The following KMT2E variants were observed in gnomAD, a reference collection of about 807,000 sequenced individuals.
KMT2E encodes histone reader KMT2E.
Under a neutral mutation model 184.6 loss-of-function variants are expected in KMT2E, and 30 were observed. The observed-to-expected ratio is 0.16, with a 90% CI of 0.12 to 0.22. The LOEUF (loss-of-function observed/expected upper bound fraction) is 0.22. Ranked by LOEUF, KMT2E falls within the 10% of genes least tolerant of loss-of-function variation. The probability of loss-of-function intolerance (pLI) is 1.00; values close to 1 mark genes in which losing one functional copy is unlikely to be tolerated. For missense variants in KMT2E, 2,023 were observed against 2,237.4 expected (o/e 0.90, Z 1.93); for synonymous variants, 815 against 776.5 (o/e 1.05, Z -0.82).
intron 6 of KMT2E, among the ~76,000 whole-genome samples, chr7:105,068,540 G>T (rs1797140960): frequency 6.6e-6 from 1 of 150,754 alleles, no homozygotes; most frequent in African/African-American, 2.4e-5. Flanking sequence ...AGCCTCCTGG[G>T]TTCAGGTGAT....
chr7:105,028,294 G>A (rs1795255480), intron 1 of KMT2E, among the ~76,000 whole-genome samples: 1 of 150,178 alleles, frequency 6.7e-6, no homozygotes, highest in African/African-American at 2.5e-5. Context: ...TCAGGCTCCC[G>A]AGTAGGTGGG....
In KMT2E at chr7:105,113,574, C is replaced by A. The variant is rs1206752993; in HGVS notation, c.*241C>A. On this transcript the variant is annotated 3_prime_UTR_variant, in exon 27 of 27. Coordinates refer to ENST00000311117, the MANE Select transcript of KMT2E (RefSeq NM_182931.3). ...TTCCAGCTGTTTTTTTCTGGCAGATCTGATGCTGATTTGATGCTGTATGAT... is the reference window on the plus strand; with the variant it reads ...TTCCAGCTGTTTTTTTCTGGCAGATATGATGCTGATTTGATGCTGTATGAT... 3 of 373,148 alleles carry A rather than the reference C, an allele frequency of 8.0e-6. No individual in the cohort carries two copies. The highest frequency in any genetic ancestry group is 4.7e-5 in the East Asian group (1 of 21,496). 23.1% of individuals were successfully genotyped at this position (373,148 alleles called of 1,614,324 possible).
intron 14 of KMT2E, 68 bp from the exon 15 acceptor site, chr7:105,091,148 T>C (rs1250307088): frequency 1.4e-6 from 1 of 690,368 alleles, no homozygotes; most frequent in African/African-American, 1.8e-5. Flanking sequence ...GACATTAAAA[T>C]AGTTTAATGT....
chr7:105,087,224 T>C (rs1422498926), intron 13 of KMT2E, among the ~76,000 whole-genome samples: 1 of 146,484 alleles, frequency 6.8e-6, no homozygotes, highest in Non-Finnish European at 1.5e-5. Context: ...ATATATATTA[T>C]ATAAGCATAT....
chr7:105,052,729 T>TTTTTTTA (rs1015221294), intron 3 of KMT2E, among the ~76,000 whole-genome samples: 27 of 151,702 alleles, frequency 1.8e-4, no homozygotes, highest in Non-Finnish European at 2.8e-4. Context: ...CAGCTAATTT[T>TTTTTTTA]TTTTTTTATT....
At chr7:105,072,460 G>A (rs1277686638) in intron 6 of KMT2E, among the ~76,000 whole-genome samples, 1 of 152,122 alleles carries the variant, frequency 6.6e-6, no homozygotes, top group East Asian at 1.9e-4. Context: ...TAGACATTAA[G>A]GCAAGTCTGT....
chr7:105,059,361 C>G (rs1796699216), intron 3 of KMT2E, among the ~76,000 whole-genome samples: 1 of 152,170 alleles, frequency 6.6e-6, no homozygotes, highest in Admixed American at 6.5e-5. Flanking sequence ...TAAATCGTTG[C>G]TAAAACTTCA....
intron 8 of KMT2E, among the ~76,000 whole-genome samples, chr7:105,075,401 GAGTA>G (rs1797486547): frequency 6.6e-6 from 1 of 152,124 alleles, no homozygotes; most frequent in African/African-American, 2.4e-5. Flanking sequence ...CATGTTTATT[GAGTA>G]AATACAGCTC....
chr7:105,041,325 A>G (rs555179912), intron 3 of KMT2E, among the ~76,000 whole-genome samples: 9 of 152,244 alleles, frequency 5.9e-5, no homozygotes, highest in Admixed American at 1.3e-4. Flanking sequence ...GTATTTTCCT[A>G]TAGTATTTGA....
At chr7:105,091,192 A>G (rs1798189765) in intron 14 of KMT2E, 24 bp from the exon 15 acceptor site, 1 of 1,079,762 alleles carries the variant, frequency 9.3e-7, no homozygotes, top group Non-Finnish European at 1.4e-6. Flanking sequence ...TAGTTTGTAT[A>G]AAGAAGTCAT....
Position 105,105,999 on chromosome 7 carries a change from T to C in KMT2E, c.2592T>C (p.Leu864=). ...TACTATTAAATGACAGCTGTTCCCTTCCAGGTAGAATTTTTTTTTCAGAGT... is the reference window on the plus strand; with the variant it reads ...TACTATTAAATGACAGCTGTTCCCTCCCAGGTAGAATTTTTTTTTCAGAGT... The part of the protein sequence containing the change: ...SPLLLNDSCS[L]PDLTTPLKKR... Residue 864 remains leucine, a synonymous_variant, in exon 19 of 27, where the codon CTT becomes CTC. Transcript: ENST00000311117. The C allele has an allele frequency of 6.3e-7, 1 of 1,599,560 alleles. No homozygotes were observed. The highest frequency in any genetic ancestry group is 1.1e-5 in the South Asian group (1 of 88,048).
Position 105,044,838 on chromosome 7 carries a change from G to A in KMT2E, c.71+3815G>A, listed in dbSNP as rs144813315. ...GCTACTTTCAGTCTTTGATATCTCT[G>A]AGGGAAAGGAAACCACACCCTGATA... On this transcript the variant is annotated intron_variant, in intron 3 of 26. Transcript: ENST00000311117. Among the ~76,000 whole-genome samples, 479 of 152,214 alleles carry A rather than the reference G, an allele frequency of 3.1e-3. 4 individuals are homozygous for A. The highest frequency in any genetic ancestry group is 0.011 in the African/African-American group (444 of 41,516).
intron 7 of KMT2E, among the ~76,000 whole-genome samples, chr7:105,074,244 A>G (rs994603800): frequency 2.0e-5 from 3 of 152,198 alleles, no homozygotes; most frequent in African/African-American, 7.2e-5. Flanking sequence ...ACCCTCTTGC[A>G]TAAGTCTTTT....
intron 1 of KMT2E, among the ~76,000 whole-genome samples, chr7:105,037,360 CTTTTTTTTGTTG>C (rs1310089909): frequency 8.6e-5 from 13 of 151,176 alleles, no homozygotes; most frequent in African/African-American, 3.2e-4. Flanking sequence ...TTTTTGTTTT[CTTTTTTTTGTTG>C]TTTTTTTTAA....
intron 15 of KMT2E, among the ~76,000 whole-genome samples, chr7:105,097,305 A>C (rs1402815003): frequency 9.9e-5 from 15 of 152,132 alleles, no homozygotes; most frequent in Non-Finnish European, 2.2e-4. Flanking sequence ...TGTTTTCTCT[A>C]ATTGTAGAGA....
At chr7:105,079,259 C>T (rs1026590476) in intron 12 of KMT2E, among the ~76,000 whole-genome samples, 19 of 151,594 alleles carry the variant, frequency 1.3e-4, no homozygotes, top group African/African-American at 3.9e-4. Context: ...CTCAGCCTCC[C>T]GAATAGGTGG....
intron 6 of KMT2E, among the ~76,000 whole-genome samples, chr7:105,071,752 C>A (rs1381866740): frequency 6.7e-6 from 1 of 150,222 alleles, no homozygotes; most frequent in South Asian, 2.1e-4. Context: ...CCACCACGCC[C>A]GGCCTGCAGT....
chr7:105,071,608 A>ATAT (rs1304883029), intron 6 of KMT2E, among the ~76,000 whole-genome samples: 4 of 31,880 alleles, frequency 1.3e-4, no homozygotes, highest in Non-Finnish European at 2.1e-4. Context: ...ATATATATAT[A>ATAT]TTTTTTTTTT....
intron 13 of KMT2E, among the ~76,000 whole-genome samples, chr7:105,089,803 T>A (rs935370434): frequency 3.3e-5 from 5 of 152,130 alleles, no homozygotes; most frequent in Admixed American, 3.3e-4. Flanking sequence ...TAATATCTGG[T>A]CAGAAATCAA....
Sources: allele counts gnomAD v4.1 joint callset (sites outside exome capture counted in the v4.1 genomes callset), GRCh38; gene constraint gnomAD v4.1.1; transcripts MANE v1.5; gene names NCBI Gene and HGNC (gene_info 2026-07-23, HGNC 2026-07-21).